CNTNAP2: variants seen among roughly 807,000 people sequenced by gnomAD.
CNTNAP2 encodes contactin-associated protein-like 2.
Under a neutral mutation model 155.2 loss-of-function variants are expected in CNTNAP2, and 98 were observed. That is an observed-to-expected ratio of 0.63 (90% CI 0.54 to 0.75). CNTNAP2 has a LOEUF of 0.75. Among genes scored for constraint, CNTNAP2 ranks in the 30% least tolerant of loss-of-function variants. The pLI, the probability that CNTNAP2 is intolerant of heterozygous loss-of-function variation, is 0.00. For missense variants in CNTNAP2, 1,727 were observed against 1,688.1 expected (o/e 1.02, Z -0.40); for synonymous variants, 651 against 631.2 (o/e 1.03, Z -0.47).
chr7:146,681,536 T>G (rs1585040317), intron 1 of CNTNAP2, among the ~76,000 whole-genome samples: 7 of 39,236 alleles, frequency 1.8e-4, no homozygotes, highest in African/African-American at 2.2e-4. Context: ...GGGAGGGTGG[T>G]GGGGGAGGGA....
intron 16 of CNTNAP2, among the ~76,000 whole-genome samples, chr7:148,122,533 G>C (rs1041212206): frequency 6.6e-6 from 1 of 152,224 alleles, no homozygotes; most frequent in Non-Finnish European, 1.5e-5. Flanking sequence ...GACAGGTGCA[G>C]TGGGGAGGGG....
At chr7:146,997,550 A>G (rs1344605965) in intron 3 of CNTNAP2, among the ~76,000 whole-genome samples, 3 of 152,120 alleles carry the variant, frequency 2.0e-5, no homozygotes, top group Non-Finnish European at 4.4e-5. Context: ...TAATTGTATC[A>G]GGATAATGCT....
At chr7:147,923,291 G>T (rs1270904708) in intron 14 of CNTNAP2, among the ~76,000 whole-genome samples, 1 of 152,090 alleles carries the variant, frequency 6.6e-6, no homozygotes, top group African/African-American at 2.4e-5. Flanking sequence ...CATTATTACT[G>T]TTATCCTCAT....
intron 3 of CNTNAP2, among the ~76,000 whole-genome samples, chr7:146,901,237 G>A (rs1010542361): frequency 1.3e-5 from 2 of 152,006 alleles, no homozygotes; most frequent in African/African-American, 2.4e-5. Flanking sequence ...TAATTCACCC[G>A]AGCCTCAACA....
rs528625640 is a variant in CNTNAP2 at position 146,803,929 on chromosome 7, A to G, written c.208+29548A>G. Reference sequence around the variant, plus strand: ...CTCCCTTTGATTTCAAAGGTGCTTCATTGCTAGAATGAGAAATAGGTGGTA... The same window carrying G: ...CTCCCTTTGATTTCAAAGGTGCTTCGTTGCTAGAATGAGAAATAGGTGGTA... On this transcript the variant is annotated intron_variant, in intron 2 of 23. Transcript: ENST00000361727. Among the ~76,000 whole-genome samples, 6 of 152,294 alleles carry G rather than the reference A, an allele frequency of 3.9e-5. No individual in the cohort carries two copies. In the South Asian group the frequency reaches 1.2e-3, roughly 32 times the overall value.
intron 9 of CNTNAP2, among the ~76,000 whole-genome samples, chr7:147,310,084 GTATT>G (rs1390701629): frequency 3.3e-5 from 5 of 152,122 alleles, no homozygotes; most frequent in Non-Finnish European, 5.9e-5. Context: ...AGATTGGAAA[GTATT>G]TATTATGTAG....
chr7:147,328,283 C>A lies in CNTNAP2; in HGVS notation c.1498+27993C>A, dbSNP rs934999440. Among the ~76,000 whole-genome samples, 15 of 152,306 alleles carry A rather than the reference C, an allele frequency of 9.8e-5. 1 individual carries two copies. The highest frequency in any genetic ancestry group is 6.8e-3 in the Middle Eastern group (2 of 294). ...AGCCTCTAATTGCCTGTGAAAGGAG[C>A]TCTCAGCAAAGGATGTAGATCAGTG... On this transcript the variant is annotated intron_variant, in intron 9 of 23. Coordinates refer to ENST00000361727, the MANE Select transcript of CNTNAP2 (RefSeq NM_014141.6).
At chr7:148,015,129 G>A (rs1031809871) in intron 15 of CNTNAP2, among the ~76,000 whole-genome samples, 8 of 152,134 alleles carry the variant, frequency 5.3e-5, no homozygotes, top group African/African-American at 1.9e-4. Context: ...GGCTGTCAAT[G>A]TATCTGATGG....
At chr7:146,913,146 C>CT (rs1427186293) in intron 3 of CNTNAP2, among the ~76,000 whole-genome samples, 2 of 152,134 alleles carry the variant, frequency 1.3e-5, no homozygotes, top group African/African-American at 4.8e-5. Flanking sequence ...GTTAATTATG[C>CT]TTTAGAAGGC....
intron 13 of CNTNAP2, among the ~76,000 whole-genome samples, chr7:147,877,525 G>T (rs16883730): frequency 0.04 from 6,015 of 152,172 alleles, 382 homozygotes; most frequent in African/African-American, 0.14. Flanking sequence ...GCCCTAGAAG[G>T]TTCTAAATGA....
At chr7:147,212,928 CATCAGG>C (rs1402985107) in intron 8 of CNTNAP2, among the ~76,000 whole-genome samples, 1 of 152,074 alleles carries the variant, frequency 6.6e-6, no homozygotes, top group Non-Finnish European at 1.5e-5. Context: ...GTTTCCCTAA[CATCAGG>C]ATGTTAAATT....
chr7:148,381,628 G>C (rs976743619), intron 21 of CNTNAP2: 2 of 152,282 alleles, frequency 1.3e-5, no homozygotes, highest in African/African-American at 4.8e-5. Context: ...CAGGATGTCA[G>C]GGGGCAGGCC....
At chr7:146,341,022 A>G (rs1801374082) in intron 1 of CNTNAP2, among the ~76,000 whole-genome samples, 1 of 152,198 alleles carries the variant, frequency 6.6e-6, no homozygotes, top group Non-Finnish European at 1.5e-5. Flanking sequence ...GTAATTCACT[A>G]CGTTTTCTCT....
chr7:147,569,422 C>T (rs1371534295), intron 12 of CNTNAP2, among the ~76,000 whole-genome samples: 2 of 152,120 alleles, frequency 1.3e-5, no homozygotes. Context: ...TCATGCACCA[C>T]ATAGTATTTC....
intron 1 of CNTNAP2, among the ~76,000 whole-genome samples, chr7:146,369,470 T>C (rs1264911238): frequency 6.6e-6 from 1 of 152,188 alleles, no homozygotes; most frequent in Non-Finnish European, 1.5e-5. Flanking sequence ...CGGGCATTCT[T>C]TATTTTGATA....
intron 21 of CNTNAP2, among the ~76,000 whole-genome samples, chr7:148,268,132 A>G (rs1208144514): frequency 6.6e-6 from 1 of 152,194 alleles, no homozygotes; most frequent in African/African-American, 2.4e-5. Flanking sequence ...TGATTGGTGA[A>G]GTATTTTAAA....
At chr7:146,235,187 A>G (rs886094296) in intron 1 of CNTNAP2, among the ~76,000 whole-genome samples, 3 of 69,550 alleles carry the variant, frequency 4.3e-5, no homozygotes, top group Non-Finnish European at 1.0e-4. Context: ...ACAAAATGTA[A>G]AAATTAGATA....
chr7:148,379,639 G>C (rs528238003), intron 21 of CNTNAP2, among the ~76,000 whole-genome samples: 6 of 152,322 alleles, frequency 3.9e-5, no homozygotes, highest in Admixed American at 2.6e-4. Flanking sequence ...CTTGAGCCCG[G>C]GAGGTTGAGG....
intron 3 of CNTNAP2, among the ~76,000 whole-genome samples, chr7:146,954,516 G>A (rs1292631052): frequency 1.3e-5 from 2 of 151,962 alleles, no homozygotes; most frequent in African/African-American, 4.8e-5. Context: ...TGTTGAATCA[G>A]TCAGGAATTT....
Sources: allele counts gnomAD v4.1 joint callset (sites outside exome capture counted in the v4.1 genomes callset), GRCh38; gene constraint gnomAD v4.1.1; transcripts MANE v1.5; gene names NCBI Gene and HGNC (gene_info 2026-07-23, HGNC 2026-07-21).